The following TTC28 variants were observed in gnomAD, a reference collection of about 807,000 sequenced individuals.
TTC28 encodes tetratricopeptide repeat protein 28.
Under a neutral mutation model 198.0 loss-of-function variants are expected in TTC28, and 61 were observed. The observed-to-expected ratio is 0.31, with a 90% confidence interval of 0.25 to 0.38. The LOEUF (loss-of-function observed/expected upper bound fraction) is 0.38. TTC28 is among the 10% of genes least tolerant of loss of function. TTC28 has a pLI of 1.00. For missense variants in TTC28, 2,678 were observed against 3,164.0 expected (o/e 0.85, Z 3.69); for synonymous variants, 1,171 against 1,297.8 (o/e 0.90, Z 2.10).
intron 5 of TTC28, among the ~76,000 whole-genome samples, chr22:28,240,174 T>A (rs1929564741): frequency 6.6e-6 from 1 of 152,224 alleles, no homozygotes; most frequent in South Asian, 2.1e-4. Flanking sequence ...AAAACAATCC[T>A]TAGGAAATAC....
intron 2 of TTC28, among the ~76,000 whole-genome samples, chr22:28,587,753 C>T (rs2050343237): frequency 6.6e-6 from 1 of 152,048 alleles, no homozygotes; most frequent in South Asian, 2.1e-4. Flanking sequence ...GGCCTCAATC[C>T]TCCTAATTAA....
chr22:28,064,916 G>A (rs530293699), intron 12 of TTC28, among the ~76,000 whole-genome samples: 5 of 152,200 alleles, frequency 3.3e-5, no homozygotes, highest in Admixed American at 6.5e-5. Flanking sequence ...TTTGAATTTC[G>A]TACCATGTGC....
At position 28,628,647 on chromosome 22, in the gene TTC28, A is replaced by T. The variant is rs138099150; in HGVS notation, c.381+905T>A. Reference sequence around the variant, plus strand: ...CCCTCTATGCTTCAGGAGCATCTTAAGAAATTGTTTCTGCTGGGCAAGGTG... The same window carrying T: ...CCCTCTATGCTTCAGGAGCATCTTATGAAATTGTTTCTGCTGGGCAAGGTG... On this transcript the variant is annotated intron_variant, in intron 2 of 22. Coordinates refer to ENST00000397906, the MANE Select transcript of TTC28 (RefSeq NM_001145418.2). Among the ~76,000 whole-genome samples, 65 of 152,306 alleles carry T rather than the reference A, an allele frequency of 4.3e-4. 1 individual carries two copies. The highest frequency in any genetic ancestry group is 1.5e-3 in the African/African-American group (61 of 41,562).
At chr22:28,337,538 T>A (rs928871457) in intron 2 of TTC28, among the ~76,000 whole-genome samples, 1 of 152,366 alleles carries the variant, frequency 6.6e-6, no homozygotes, top group South Asian at 2.1e-4. Context: ...ATTGGGTGCA[T>A]ATGTATTTAG....
At chr22:28,216,891 T>C (rs1927448521) in intron 5 of TTC28, among the ~76,000 whole-genome samples, 1 of 152,058 alleles carries the variant, frequency 6.6e-6, no homozygotes, top group African/African-American at 2.4e-5. Flanking sequence ...TTGGCAATTT[T>C]TTATTTTTTG....
At position 28,606,083 on chromosome 22, in the gene TTC28, C is replaced by G. The variant is rs192889175; in HGVS notation, c.381+23469G>C. Among the ~76,000 whole-genome samples the G allele has an allele frequency of 9.2e-5, 13 of 141,184 alleles. No individual in the cohort carries two copies. The East Asian group carries it at 2.7e-3, about 29-fold the overall frequency. The allele number at this position is 141,184 out of a possible 152,430, so 92.6% of individuals were successfully genotyped here. ...TCCATAATATATATAATTGTGAATA[C>G]TTTTTTTTTTTGTTTTTTGAGACGA... On this transcript the variant is annotated intron_variant, in intron 2 of 22. Transcript: ENST00000397906.
At chr22:28,201,634 G>A (rs1925946101) in intron 5 of TTC28, among the ~76,000 whole-genome samples, 1 of 151,608 alleles carries the variant, frequency 6.6e-6, no homozygotes, top group Non-Finnish European at 1.5e-5. Context: ...AAGAAAATGA[G>A]AGAGGATGGC....
intron 12 of TTC28, among the ~76,000 whole-genome samples, chr22:28,092,627 T>A (rs550708420): frequency 4.3e-4 from 66 of 152,110 alleles, no homozygotes; most frequent in Non-Finnish European, 8.1e-4. Flanking sequence ...TTGGTCAGGT[T>A]ATAGTCTAAT....
chr22:28,415,497 A>T (rs2047155145), intron 2 of TTC28, among the ~76,000 whole-genome samples: 1 of 152,232 alleles, frequency 6.6e-6, no homozygotes, highest in South Asian at 2.1e-4. Context: ...CTTAAAATAG[A>T]CCGTAGTAAT....
intron 2 of TTC28, among the ~76,000 whole-genome samples, chr22:28,365,235 T>A (rs2046228825): frequency 6.6e-6 from 1 of 152,238 alleles, no homozygotes; most frequent in Non-Finnish European, 1.5e-5. Context: ...GCATATACAT[T>A]GTTTTTTAGA....
chr22:28,636,127 A>ATTC (rs2051266155), intron 1 of TTC28, among the ~76,000 whole-genome samples: 2 of 65,722 alleles, frequency 3.0e-5, no homozygotes, highest in African/African-American at 1.3e-4. Context: ...AAATGTCAGG[A>ATTC]TTTTTTTTTT....
intron 2 of TTC28, among the ~76,000 whole-genome samples, chr22:28,560,006 T>C (rs1384005017): frequency 6.6e-6 from 1 of 152,164 alleles, no homozygotes; most frequent in Non-Finnish European, 1.5e-5. Context: ...AAATTTAATA[T>C]CTAAAACAGA....
At chr22:28,392,135 C>T (rs1202241215) in intron 2 of TTC28, among the ~76,000 whole-genome samples, 3 of 152,184 alleles carry the variant, frequency 2.0e-5, no homozygotes, top group Non-Finnish European at 4.4e-5. Flanking sequence ...GTGGGGGATG[C>T]CTCCCAGTTA....
intron 5 of TTC28, among the ~76,000 whole-genome samples, chr22:28,254,874 T>C (rs1193356460): frequency 6.6e-6 from 1 of 152,138 alleles, no homozygotes; most frequent in Non-Finnish European, 1.5e-5. Flanking sequence ...GCCTCCTCCA[T>C]GAAACCAGGA....
At chr22:28,139,119 A>G (rs1283825121) in intron 6 of TTC28, among the ~76,000 whole-genome samples, 1 of 152,138 alleles carries the variant, frequency 6.6e-6, no homozygotes, top group Admixed American at 6.6e-5. Context: ...CATGCTACCA[A>G]AACAAACACA....
At chr22:28,386,613 C>T (rs1395040835) in intron 2 of TTC28, among the ~76,000 whole-genome samples, 1 of 152,038 alleles carries the variant, frequency 6.6e-6, no homozygotes, top group Admixed American at 6.6e-5. Flanking sequence ...TCTTTCTATA[C>T]TATGACTCCA....
intron 2 of TTC28, among the ~76,000 whole-genome samples, chr22:28,540,847 T>A (rs2049396254): frequency 6.6e-6 from 1 of 152,214 alleles, no homozygotes. Flanking sequence ...AGTTTGAATA[T>A]GTCTAAAACT....
chr22:28,142,875 T>G (rs762986999), intron 6 of TTC28, among the ~76,000 whole-genome samples: 1 of 152,156 alleles, frequency 6.6e-6, no homozygotes, highest in Non-Finnish European at 1.5e-5. Context: ...AGAATAAAAT[T>G]AGCTTTTTGA....
intron 6 of TTC28, among the ~76,000 whole-genome samples, chr22:28,148,706 G>T (rs552672676): frequency 6.6e-6 from 1 of 151,200 alleles, no homozygotes; most frequent in African/African-American, 2.4e-5. Flanking sequence ...GAGTATTAAA[G>T]AATTTTAGGT....
Sources: allele counts gnomAD v4.1 joint callset (sites outside exome capture counted in the v4.1 genomes callset), GRCh38; gene constraint gnomAD v4.1.1; transcripts MANE v1.5; gene names NCBI Gene and HGNC (gene_info 2026-07-23, HGNC 2026-07-21).